The following R3HDM1 variants were observed in gnomAD, a reference collection of about 807,000 sequenced individuals.
R3HDM1 encodes the protein R3H domain containing 1.
In R3HDM1, 46 loss-of-function variants were observed where a neutral mutation model predicts 141.1. The observed-to-expected ratio is 0.33, with a 90% CI of 0.26 to 0.42. The LOEUF (loss-of-function observed/expected upper bound fraction) is 0.42, where lower values mean the gene tolerates loss of function less well. Ranked by LOEUF, R3HDM1 falls within the 10% of genes least tolerant of loss-of-function variation. The pLI is 1.00. For synonymous variants in R3HDM1, 435 were observed against 472.9 expected (o/e 0.92, Z 1.04); for missense variants, 1,184 against 1,368.3 (o/e 0.87, Z 2.12).
chr2:135,545,326 A>C (rs1698462864), intron 1 of R3HDM1, among the ~76,000 whole-genome samples: 1 of 152,208 alleles, frequency 6.6e-6, no homozygotes, highest in Non-Finnish European at 1.5e-5. Context: ...TGAAATATTT[A>C]AGTATAATAT....
Position 135,724,163 on chromosome 2 carries a change from C to T in R3HDM1, c.3276C>T (p.Ala1092=). 1 of 1,613,998 alleles carries T rather than the reference C, an allele frequency of 6.2e-7. No individual in the cohort carries two copies. Among genetic ancestry groups the T allele is most frequent in the Non-Finnish European group, 8.5e-7 (1 of 1,179,884 alleles). Residue 1092 remains alanine (A), a synonymous_variant, in exon 27 of 27, where the codon GCC becomes GCT. Transcript: ENST00000683871. ...SDLASTYTVL[A]TFPSISAAQN... is the part of the protein sequence containing the mutation. The stretch of plus-strand genomic sequence containing the variant: ...TGGCCTCCACCTACACCGTCTTAGC[C>T]ACATTCCCCTCCATTTCAGCTGCAC...
At chr2:135,699,417 T>C (rs1390894278) in intron 21 of R3HDM1, among the ~76,000 whole-genome samples, 1 of 152,002 alleles carries the variant, frequency 6.6e-6, no homozygotes, top group Admixed American at 6.6e-5. Context: ...AGTTGTAAGG[T>C]CCCCAGGGAG....
chr2:135,637,292 C>G (rs1260634708), intron 11 of R3HDM1, among the ~76,000 whole-genome samples: 2 of 151,970 alleles, frequency 1.3e-5, no homozygotes, highest in African/African-American at 4.8e-5. Flanking sequence ...TGAAGAGTTC[C>G]AAGTCGAGAG....
chr2:135,556,540 A>G lies in R3HDM1; in HGVS notation c.-250+24907A>G, dbSNP rs548086994. 3.3e-4 allele frequency among the ~76,000 whole-genome samples: 48 copies of G among 146,708 alleles called. No individual in the cohort carries two copies. In the South Asian group the frequency reaches 0.01, roughly 31 times the overall value. ...GTCAGACTTTTTTTTTTTTTTTGAGATGGAGTCTCGCTCTGTCCCCCAGGC... is the reference window on the plus strand; with the variant it reads ...GTCAGACTTTTTTTTTTTTTTTGAGGTGGAGTCTCGCTCTGTCCCCCAGGC... On this transcript the variant is annotated intron_variant, in intron 1 of 26. Coordinates refer to ENST00000683871, the MANE Select transcript of R3HDM1 (RefSeq NM_001378107.1).
intron 1 of R3HDM1, among the ~76,000 whole-genome samples, chr2:135,539,596 C>G (rs1424444982): frequency 6.6e-6 from 1 of 151,444 alleles, no homozygotes; most frequent in Non-Finnish European, 1.5e-5. Flanking sequence ...CATGAAAAAG[C>G]GAGTCATATA....
intron 3 of R3HDM1, chr2:135,607,687 A>G (rs1334825232): frequency 4.7e-6 from 1 of 214,498 alleles, no homozygotes; most frequent in African/African-American, 2.4e-5. Context: ...CTTATCAACA[A>G]GTCATTAATT....
At chr2:135,685,155 A>G (rs918245644) in intron 21 of R3HDM1, among the ~76,000 whole-genome samples, 2 of 152,208 alleles carry the variant, frequency 1.3e-5, no homozygotes, top group African/African-American at 4.8e-5. Context: ...CTTGACAAAC[A>G]TAATTTTATA....
At chr2:135,628,901 C>T (rs1461061885) in intron 7 of R3HDM1, among the ~76,000 whole-genome samples, 1 of 151,802 alleles carries the variant, frequency 6.6e-6, no homozygotes, top group Non-Finnish European at 1.5e-5. Flanking sequence ...ACTGGGATTA[C>T]AGGCGTGAGC....
At chr2:135,622,110 A>G (rs2061565985) in intron 6 of R3HDM1, 3 of 981,022 alleles carry the variant, frequency 3.1e-6, no homozygotes. Context: ...TAAATAGTAT[A>G]AAGATACTAC....
chr2:135,556,353 C>T (rs1015590453), intron 1 of R3HDM1, among the ~76,000 whole-genome samples: 4 of 151,886 alleles, frequency 2.6e-5, no homozygotes, highest in Non-Finnish European at 4.4e-5. Context: ...TTATACCATT[C>T]GGTAGTAATA....
intron 1 of R3HDM1, among the ~76,000 whole-genome samples, chr2:135,531,995 C>T (rs17331388): frequency 0.05 from 7,601 of 152,302 alleles, 259 homozygotes; most frequent in Middle Eastern, 0.12. Context: ...GTTTCCGAGT[C>T]CCTGCCATGG....
At chr2:135,670,000 A>G (rs374365886) in intron 19 of R3HDM1, among the ~76,000 whole-genome samples, 2 of 152,082 alleles carry the variant, frequency 1.3e-5, no homozygotes, top group South Asian at 2.1e-4. Flanking sequence ...TTAGCTGGGT[A>G]TGCTGGCACG....
chr2:135,549,886 A>AT, intron 1 of R3HDM1: 1 of 786,236 alleles, frequency 1.3e-6, no homozygotes, highest in Non-Finnish European at 1.5e-6. Context: ...ATTGTGTTTG[A>AT]TTTTCACCTC....
At chr2:135,573,289 A>G (rs1195648556) in intron 1 of R3HDM1, among the ~76,000 whole-genome samples, 1 of 152,214 alleles carries the variant, frequency 6.6e-6, no homozygotes, top group African/African-American at 2.4e-5. Context: ...ACAAAAATCT[A>G]TACAGAATTT....
At chr2:135,667,567 G>A (rs1441049243) in intron 19 of R3HDM1, 7 of 846,088 alleles carry the variant, frequency 8.3e-6, no homozygotes, top group Non-Finnish European at 1.0e-5. Flanking sequence ...ATGTATCACA[G>A]GAAGAATTTT....
At chr2:135,674,779 T>A (rs913282157) in intron 19 of R3HDM1, among the ~76,000 whole-genome samples, 2 of 152,142 alleles carry the variant, frequency 1.3e-5, no homozygotes, top group Admixed American at 6.5e-5. Flanking sequence ...TCCATTTGCC[T>A]GTGTCTTTGA....
intron 21 of R3HDM1, among the ~76,000 whole-genome samples, chr2:135,689,275 C>T (rs1575037563): frequency 6.6e-6 from 1 of 152,206 alleles, no homozygotes; most frequent in South Asian, 2.1e-4. Context: ...GTCATGATGT[C>T]TATCACTGTT....
Position 135,720,537 on chromosome 2 carries a change from C to T in R3HDM1, c.2882-1387C>T, listed in dbSNP as rs569291862. On this transcript the variant is annotated intron_variant, in intron 24 of 26. Coordinates refer to ENST00000683871, the MANE Select transcript of R3HDM1 (RefSeq NM_001378107.1). ...CAGTCAGCATTTATTAAGCCTTTGC[C>T]GTGTGATGACTTCAGGCTTTCCTGA... 5.3e-5 allele frequency among the ~76,000 whole-genome samples: 8 copies of T among 152,308 alleles called. No homozygotes were observed. In the South Asian group the frequency reaches 6.2e-4, roughly 12 times the overall value.
chr2:135,673,957 T>G (rs368385723), intron 19 of R3HDM1, among the ~76,000 whole-genome samples: 1 of 152,128 alleles, frequency 6.6e-6, no homozygotes, highest in African/African-American at 2.4e-5. Flanking sequence ...GGAGACAAGA[T>G]TTGGCCATGT....
Sources: allele counts gnomAD v4.1 joint callset (sites outside exome capture counted in the v4.1 genomes callset), GRCh38; gene constraint gnomAD v4.1.1; transcripts MANE v1.5; gene names NCBI Gene and HGNC (gene_info 2026-07-23, HGNC 2026-07-21).